The following FER1L6 variants were observed in gnomAD, a reference collection of about 807,000 sequenced individuals.
FER1L6 encodes fer-1-like protein 6.
Under a neutral mutation model 219.2 loss-of-function variants are expected in FER1L6, and 177 were observed. The ratio of observed to expected loss-of-function variants is 0.81; its 90% confidence interval spans 0.71 to 0.91. FER1L6 has a LOEUF of 0.91. FER1L6 is among the 40% of genes least tolerant of loss of function. The pLI is 0.00. For missense variants in FER1L6, 2,153 were observed against 2,259.9 expected, an observed-to-expected ratio of 0.95 and a Z score of 0.96; for synonymous variants, 768 against 824.3, an observed-to-expected ratio of 0.93 and a Z score of 1.17.
At chr8:124,019,404 G>A (rs1290267738) in intron 16 of FER1L6, among the ~76,000 whole-genome samples, 2 of 152,162 alleles carry the variant, frequency 1.3e-5, no homozygotes, top group East Asian at 1.9e-4. Flanking sequence ...TTTTAATTAT[G>A]TGCATGTATT....
intron 13 of FER1L6, among the ~76,000 whole-genome samples, chr8:124,003,740 TA>T (rs985865621): frequency 1.3e-5 from 2 of 152,134 alleles, no homozygotes; most frequent in African/African-American, 4.8e-5. Context: ...GTGCTGGGAT[TA>T]CAGGCTTGAG....
Position 123,892,037 on chromosome 8 carries a change from G to A in FER1L6, c.-8+39852G>A, listed in dbSNP as rs532281587. Among the ~76,000 whole-genome samples the A allele has an allele frequency of 2.4e-4, 36 of 152,316 alleles. 1 individual carries two copies. The South Asian group carries it at 7.2e-3, about 31-fold the overall frequency. The stretch of plus-strand genomic sequence containing the variant: ...GCCGAAATAACAGGGTTTTCTTGGA[G>A]CTTAGATCGCTGTTTAGTAGAAAGT... On this transcript the variant is annotated intron_variant, in intron 1 of 40. Transcript: ENST00000522917.
At chr8:123,963,497 T>G (rs1815397443) in intron 3 of FER1L6, 99 bp downstream of exon 3, 1 of 1,397,472 alleles carries the variant, frequency 7.2e-7, no homozygotes. Flanking sequence ...GAGTAAGACA[T>G]AGTCACTGTC....
intron 1 of FER1L6, among the ~76,000 whole-genome samples, chr8:123,921,323 A>G (rs781079801): frequency 1.3e-5 from 2 of 151,962 alleles, no homozygotes; most frequent in Non-Finnish European, 2.9e-5. Flanking sequence ...AAGGATTCCA[A>G]CTTCTTTATA....
intron 29 of FER1L6, among the ~76,000 whole-genome samples, 185 bp from the exon 30 acceptor site, chr8:124,070,282 G>C (rs1821012203): frequency 6.6e-6 from 1 of 152,116 alleles, no homozygotes. Flanking sequence ...ACATTTCATA[G>C]TAGTAGTTTC....
intron 2 of FER1L6, among the ~76,000 whole-genome samples, chr8:123,959,983 T>G (rs370470483): frequency 1.1e-4 from 16 of 152,190 alleles, no homozygotes; most frequent in African/African-American, 3.9e-4. Context: ...TGCCAAGAAA[T>G]TCTGGGTGAC....
chr8:124,031,675 A>C (rs1014909398), intron 18 of FER1L6, among the ~76,000 whole-genome samples: 2 of 152,186 alleles, frequency 1.3e-5, no homozygotes, highest in African/African-American at 2.4e-5. Flanking sequence ...TCTAGTTTCT[A>C]TGGCTAACCT....
chr8:124,049,280 T>G (rs1429441744), intron 21 of FER1L6, among the ~76,000 whole-genome samples: 1 of 152,124 alleles, frequency 6.6e-6, no homozygotes, highest in East Asian at 1.9e-4. Flanking sequence ...TCTCTTGACC[T>G]CATGATACAC....
chr8:123,906,986 G>T (rs548730028), intron 1 of FER1L6, among the ~76,000 whole-genome samples: 1 of 152,094 alleles, frequency 6.6e-6, no homozygotes, highest in Non-Finnish European at 1.5e-5. Flanking sequence ...GTAAGGGACC[G>T]TGTGATTATT....
chr8:124,088,129 C>G (rs1383672163), intron 33 of FER1L6, among the ~76,000 whole-genome samples: 1 of 152,144 alleles, frequency 6.6e-6, no homozygotes, highest in African/African-American at 2.4e-5. Context: ...TGTCCTTCCC[C>G]CCAGGCCTCT....
At chr8:124,032,695 T>G (rs576865206) in intron 18 of FER1L6, among the ~76,000 whole-genome samples, 1 of 143,702 alleles carries the variant, frequency 7.0e-6, no homozygotes, top group Non-Finnish European at 1.5e-5. Flanking sequence ...GAGCTGAGAC[T>G]GCACCACGTC....
intron 33 of FER1L6, among the ~76,000 whole-genome samples, chr8:124,090,635 G>A (rs1716366590): frequency 6.6e-6 from 1 of 152,200 alleles, no homozygotes; most frequent in African/African-American, 2.4e-5. Context: ...AAATTCTGAT[G>A]AACTCAGTGT....
intron 13 of FER1L6, chr8:124,004,229 C>T (rs1006527279): frequency 6.6e-6 from 1 of 151,242 alleles, no homozygotes; most frequent in African/African-American, 2.4e-5. Flanking sequence ...TTCAAAGTTT[C>T]AACCTGCAAA....
At chr8:123,959,097 T>C (rs766076594) in intron 2 of FER1L6, among the ~76,000 whole-genome samples, 1 of 152,060 alleles carries the variant, frequency 6.6e-6, no homozygotes, top group Non-Finnish European at 1.5e-5. Context: ...GGTCTGGTTT[T>C]TATAAGGTCA....
chr8:124,093,691 A>T (rs971294311), intron 34 of FER1L6, among the ~76,000 whole-genome samples: 2 of 70,084 alleles, frequency 2.9e-5, no homozygotes, highest in African/African-American at 9.1e-5. Context: ...AAGATTAACA[A>T]AGATTTATTC....
chr8:124,092,949 G>A (rs1000134214), intron 34 of FER1L6, among the ~76,000 whole-genome samples: 6 of 149,948 alleles, frequency 4.0e-5, no homozygotes, highest in Admixed American at 1.3e-4. Context: ...TCCACCTCCC[G>A]GGTAGCTGGG....
chr8:123,917,397 C>T (rs949559661), intron 1 of FER1L6, among the ~76,000 whole-genome samples: 5 of 152,226 alleles, frequency 3.3e-5, no homozygotes, highest in African/African-American at 1.2e-4. Flanking sequence ...ACTCAAAGAA[C>T]AGGCTGGGAC....
intron 2 of FER1L6, among the ~76,000 whole-genome samples, chr8:123,958,914 A>G (rs985474027): frequency 3.3e-5 from 5 of 151,686 alleles, no homozygotes; most frequent in African/African-American, 1.2e-4. Context: ...GATTCGACGG[A>G]ACTGAAAGGG....
At position 123,852,819 on chromosome 8, in the gene FER1L6, T is replaced by C. The variant is rs1816538139; in HGVS notation, c.-8+634T>C. Among the ~76,000 whole-genome samples the C allele has an allele frequency of 6.6e-6, 1 of 152,138 alleles. No homozygotes were observed. Among genetic ancestry groups the C allele is most frequent in the African/African-American group, 2.4e-5 (1 of 41,432 alleles). Reference sequence around the variant, plus strand: ...AACTAAGCTCCACGCTTTATTTGGATTTCACAAGTTTTTCCACGAATGTCT... The same window carrying C: ...AACTAAGCTCCACGCTTTATTTGGACTTCACAAGTTTTTCCACGAATGTCT... On this transcript the variant is annotated intron_variant, in intron 1 of 40. Coordinates refer to ENST00000522917, the MANE Select transcript of FER1L6 (RefSeq NM_001039112.2). The surrounding 1 kb of genome is among the most constrained non-coding windows in gnomAD (Gnocchi z 4.9).
Sources: allele counts gnomAD v4.1 joint callset (sites outside exome capture counted in the v4.1 genomes callset), GRCh38; gene constraint gnomAD v4.1.1; non-coding constraint Gnocchi (gnomAD v3.1); transcripts MANE v1.5; gene names NCBI Gene and HGNC (gene_info 2026-07-23, HGNC 2026-07-21).